Variants in IRS1 observed in about 807,000 individuals in gnomAD.
The protein encoded by IRS1 is insulin receptor substrate 1.
In IRS1, 34 loss-of-function variants were observed where a neutral mutation model predicts 65.6. The observed-to-expected ratio is 0.52, with a 90% CI of 0.39 to 0.69. The LOEUF is 0.69. IRS1 is among the 30% of genes least tolerant of loss of function. IRS1 has a pLI of 0.00. For missense variants in IRS1, 1,641 were observed against 1,720.2 expected, an observed-to-expected ratio of 0.95 and a Z score of 0.81; for synonymous variants, 699 against 683.5, an observed-to-expected ratio of 1.02 and a Z score of -0.35.
intron 1 of IRS1, among the ~76,000 whole-genome samples, chr2:226,763,119 A>G (rs140676403): frequency 1.3e-5 from 2 of 152,306 alleles, no homozygotes; most frequent in Admixed American, 6.5e-5. Flanking sequence ...AGTACCTCCA[A>G]CGGCAAGAAA....
intron 1 of IRS1, among the ~76,000 whole-genome samples, chr2:226,793,605 A>G (rs1293228474): frequency 6.6e-6 from 1 of 152,252 alleles, no homozygotes; most frequent in Non-Finnish European, 1.5e-5. Flanking sequence ...TAAGAAGACT[A>G]TGAACACATG....
rs928803119 is a variant in IRS1, at chr2:226,777,776, G to A, written c.*21+17213C>T. On this transcript the variant is annotated intron_variant, in intron 1 of 1. Coordinates refer to ENST00000305123, the MANE Select transcript of IRS1 (RefSeq NM_005544.3). ...TGTGACTTGCTCCTCTTTACCTTCC[G>A]CCATGATTGTGAGGCCTCCCCAGCC... 4.6e-5 allele frequency among the ~76,000 whole-genome samples: 7 copies of A among 152,156 alleles called. No individual in the cohort carries two copies. In the East Asian group the frequency reaches 7.7e-4, roughly 17 times the overall value.
intron 1 of IRS1, among the ~76,000 whole-genome samples, chr2:226,771,051 G>A (rs1939154405): frequency 6.6e-6 from 1 of 152,098 alleles, no homozygotes; most frequent in Admixed American, 6.5e-5. Context: ...ATAACTTTTG[G>A]AGCATGAGAA....
At chr2:226,777,158 A>C (rs1939290305) in intron 1 of IRS1, among the ~76,000 whole-genome samples, 1 of 152,200 alleles carries the variant, frequency 6.6e-6, no homozygotes, top group Non-Finnish European at 1.5e-5. Context: ...TATGGACTTT[A>C]GTTAACAATA....
intron 1 of IRS1, among the ~76,000 whole-genome samples, chr2:226,752,306 T>G (rs192847934): frequency 1.3e-5 from 2 of 152,308 alleles, no homozygotes; most frequent in South Asian, 2.1e-4. Flanking sequence ...TGGTGATAAC[T>G]TCCACTGAGG....
At position 226,756,959 on chromosome 2, in the gene IRS1, T is replaced by TAATAAATA. The variant is rs71036150; in HGVS notation, c.*22-20717_*22-20710dup. On this transcript the variant is annotated intron_variant, in intron 1 of 1. Transcript: ENST00000305123. ...CCTGGTGACAGAGTGAGACTCCGTCTAATAAATAAATAAATAAATAAATAA... is the reference window on the plus strand; with the variant it reads ...CCTGGTGACAGAGTGAGACTCCGTCTAATAAATAAATAAATAAATAAATAAATAAATAA... Among the ~76,000 whole-genome samples, 1,065 of 145,228 alleles carry TAATAAATA rather than the reference T, an allele frequency of 7.3e-3. 4 individuals carry two copies. Among genetic ancestry groups the TAATAAATA allele is most frequent in the East Asian group, 0.012 (57 of 4,902 alleles).
rs750186385 is a variant in IRS1 at position 226,797,683 on chromosome 2, G to C, written c.1056C>G (p.Asn352Lys). Reference protein sequence around the residue: ...VDGSPVSPSTNRTHAHRHRGS... With the variant: ...VDGSPVSPSTKRTHAHRHRGS... ...CCCGATGCCGGTGGGCGTGGGTTCT[G>C]TTGGTGCTGGGACTCACAGGGCTGC... Residue 352 changes from asparagine to lysine, a missense_variant, in exon 1 of 2, where the codon AAC (asparagine) becomes AAG (lysine). By Grantham distance (94) the Asn-to-Lys change is moderately conservative (BLOSUM62 0). Transcript: ENST00000305123. This position sits in a 1 kb window ranked among gnomAD's most constrained non-coding sequence, Gnocchi z 8.1. The C allele has an allele frequency of 3.8e-6, 6 of 1,597,498 alleles. No homozygotes were observed. The highest frequency in any genetic ancestry group is 2.2e-5 in the South Asian group (2 of 90,724).
intron 1 of IRS1, among the ~76,000 whole-genome samples, chr2:226,754,761 C>T (rs1938762024): frequency 6.6e-6 from 1 of 152,216 alleles, no homozygotes; most frequent in South Asian, 2.1e-4. Flanking sequence ...AAATGCCATT[C>T]TGTTAAATCT....
Position 226,796,631 on chromosome 2 carries a change from A to C in IRS1, c.2108T>G (p.Val703Gly), listed in dbSNP as rs1465698377. 6.2e-7 allele frequency: 1 copy of C among 1,613,506 alleles called. No homozygotes were observed. Among genetic ancestry groups the C allele is most frequent in the Non-Finnish European group, 8.5e-7 (1 of 1,179,830 alleles). Reference sequence around the variant, plus strand: ...CAAGACATGAGAGTGGTGGCCCCCTACCCCGTTTGTCCACAGCTTTCCATA... The same window carrying C: ...CAAGACATGAGAGTGGTGGCCCCCTCCCCCGTTTGTCCACAGCTTTCCATA... The part of the protein sequence containing the change: ...TSYGKLWTNG[V>G]GGHHSHVLPH... Residue 703 changes from valine to glycine, a missense_variant, in exon 1 of 2, where the codon GTA becomes GGA. Val to Gly is a moderately radical substitution (Grantham distance 109, BLOSUM62 -3). This residue lies in a region of IRS1 where 1,324 missense variants were observed against 1,361.0 expected (regional missense o/e 0.97). Transcript: ENST00000305123.
chr2:226,750,128 A>G (rs1479598848), intron 1 of IRS1, among the ~76,000 whole-genome samples: 1 of 152,046 alleles, frequency 6.6e-6, no homozygotes, highest in East Asian at 1.9e-4. Flanking sequence ...ACATGCCTGT[A>G]ATCCAAGCTA....
intron 1 of IRS1, chr2:226,792,134 T>G (rs956662831): frequency 6.6e-6 from 1 of 152,194 alleles, no homozygotes; most frequent in Non-Finnish European, 1.5e-5. Context: ...TTTTTCTGTT[T>G]TTTTTCTTTT....
chr2:226,736,698 T>C (rs1228295302), intron 1 of IRS1, among the ~76,000 whole-genome samples: 3 of 152,142 alleles, frequency 2.0e-5, no homozygotes, highest in Non-Finnish European at 4.4e-5. Flanking sequence ...CATGACAAAA[T>C]CGGAAATCAA....
intron 1 of IRS1, among the ~76,000 whole-genome samples, chr2:226,766,045 G>A (rs1939023679): frequency 7.6e-6 from 1 of 132,044 alleles, no homozygotes; most frequent in African/African-American, 2.9e-5. Context: ...GGTCATCATG[G>A]AACAACCATA....
chr2:226,746,411 T>C (rs565038776), intron 1 of IRS1, among the ~76,000 whole-genome samples: 1 of 152,252 alleles, frequency 6.6e-6, no homozygotes, highest in South Asian at 2.1e-4. Context: ...AGTAACTTGA[T>C]GAAAAATTGA....
At chr2:226,789,125 TG>T (rs1169702866) in intron 1 of IRS1, among the ~76,000 whole-genome samples, 2 of 152,240 alleles carry the variant, frequency 1.3e-5, no homozygotes, top group Non-Finnish European at 2.9e-5. Context: ...CTTAAAACTG[TG>T]AAATGTTCCA....
Position 226,798,260 on chromosome 2 carries a change from A to T in IRS1, c.479T>A (p.Phe160Tyr). ...CAGGATCACTTGCCAGACCTCTTTG[A>T]ATGCGGGTCCTGGGGGCACGTCACC... ...SYGDVPPGPA[F>Y]KEVWQVILKP... The change falls in exon 1 of 2, where the codon TTC (phenylalanine) becomes TAC (tyrosine). Residue 160 changes from phenylalanine (F) to tyrosine (Y), a missense_variant. Phe to Tyr is a conservative substitution (Grantham distance 22). Transcript: ENST00000305123. This position sits in a 1 kb window ranked among gnomAD's most constrained non-coding sequence, Gnocchi z 9.4. 1 of 1,613,332 alleles carries T rather than the reference A, an allele frequency of 6.2e-7. No homozygotes were observed. The highest frequency in any genetic ancestry group is 1.7e-5 in the Admixed American group (1 of 60,018).
intron 1 of IRS1, among the ~76,000 whole-genome samples, chr2:226,770,178 C>G (rs1939136460): frequency 6.6e-6 from 1 of 152,214 alleles, no homozygotes; most frequent in South Asian, 2.1e-4. Flanking sequence ...GAGAAAACTT[C>G]ATTTAACAAG....
intron 1 of IRS1, among the ~76,000 whole-genome samples, chr2:226,742,713 G>GGAAAAAAAAAAAAA (rs889878007): frequency 5.6e-5 from 7 of 124,630 alleles, no homozygotes; most frequent in African/African-American, 1.7e-4. Flanking sequence ...CACGCATTAT[G>GGAAAAAAAAAAAAA]AAAAAAAAAA....
chr2:226,782,915 G>A lies in IRS1; in HGVS notation c.*21+12074C>T, dbSNP rs181487920. On this transcript the variant is annotated intron_variant, in intron 1 of 1. Transcript: ENST00000305123. ...ACTCAGGTGCTAAGGTAGGAGAATCGCTGGAATCCAGGAGGTGGAGGCTGC... is the reference window on the plus strand; with the variant it reads ...ACTCAGGTGCTAAGGTAGGAGAATCACTGGAATCCAGGAGGTGGAGGCTGC... Among the ~76,000 whole-genome samples the A allele has an allele frequency of 3.2e-4, 49 of 152,260 alleles. 2 individuals carry two copies. Among genetic ancestry groups the A allele is most frequent in the Admixed American group, 2.7e-3 (42 of 15,294 alleles).
Sources: allele counts gnomAD v4.1 joint callset (sites outside exome capture counted in the v4.1 genomes callset), GRCh38; gene constraint gnomAD v4.1.1; regional missense constraint gnomAD v4.1.1; non-coding constraint Gnocchi (gnomAD v3.1); transcripts MANE v1.5; gene names NCBI Gene and HGNC (gene_info 2026-07-23, HGNC 2026-07-21).